The following PRTFDC1 variants were observed in gnomAD, a reference collection of about 807,000 sequenced individuals.
PRTFDC1 encodes phosphoribosyltransferase domain-containing protein 1.
Under a neutral mutation model 34.6 loss-of-function variants are expected in PRTFDC1, and 38 were observed. The observed-to-expected ratio is 1.10, with a 90% confidence interval of 0.85 to 1.44. The LOEUF is 1.44. Ranked by LOEUF, PRTFDC1 falls within the 40% of genes most tolerant of loss-of-function variation. The probability of loss-of-function intolerance (pLI) is 0.00; values close to 1 mark genes in which losing one functional copy is unlikely to be tolerated. For missense variants in PRTFDC1, 270 were observed against 283.0 expected, an observed-to-expected ratio of 0.95 and a Z score of 0.33; for synonymous variants, 93 against 98.1, an observed-to-expected ratio of 0.95 and a Z score of 0.31.
chr10:24,922,457 A>C (rs1167472269), intron 3 of PRTFDC1, among the ~76,000 whole-genome samples: 2 of 152,236 alleles, frequency 1.3e-5, no homozygotes, highest in East Asian at 3.9e-4. Context: ...GTGGGAAGTA[A>C]TTGAATCACA....
At chr10:24,873,699 A>T (rs1191328958) in intron 3 of PRTFDC1, among the ~76,000 whole-genome samples, 1 of 152,112 alleles carries the variant, frequency 6.6e-6, no homozygotes, top group Non-Finnish European at 1.5e-5. Context: ...CAATTCCCTT[A>T]GGAATTTTCT....
chr10:24,933,965 T>C (rs1199997484), intron 3 of PRTFDC1, among the ~76,000 whole-genome samples: 4 of 152,160 alleles, frequency 2.6e-5, no homozygotes, highest in African/African-American at 9.7e-5. Flanking sequence ...AGTGCTAGGA[T>C]GACAGGCATG....
At chr10:24,939,336 G>C (rs1849110552) in intron 2 of PRTFDC1, among the ~76,000 whole-genome samples, 1 of 148,822 alleles carries the variant, frequency 6.7e-6, no homozygotes, top group Non-Finnish European at 1.5e-5. Flanking sequence ...ATTTCACAGA[G>C]TGGAAGACAA....
intron 3 of PRTFDC1, among the ~76,000 whole-genome samples, chr10:24,916,625 C>G (rs1313214121): frequency 6.6e-6 from 1 of 152,184 alleles, no homozygotes; most frequent in Admixed American, 6.6e-5. Context: ...GCATGGGGAG[C>G]CTTTGTTTCT....
At chr10:24,932,290 G>A (rs1189458569) in intron 3 of PRTFDC1, among the ~76,000 whole-genome samples, 3 of 151,872 alleles carry the variant, frequency 2.0e-5, no homozygotes, top group African/African-American at 7.2e-5. Flanking sequence ...GAGTGTATAG[G>A]AGGTCCTAAC....
rs764052437 is a variant in PRTFDC1 at position 24,942,483 on chromosome 10, T to G, written c.49-47A>C. On this transcript the variant is annotated intron_variant, in intron 1 of 8. Transcript: ENST00000320152. ...TTATGGTATTTTTTCATCAGAAATT[T>G]GTTTAAAACATAACAAAAGAGTATC... 5.5e-6 allele frequency: 8 copies of G among 1,461,756 alleles called. 1 individual carries two copies. The highest frequency in any genetic ancestry group is 3.7e-4 in the Middle Eastern group (2 of 5,448). 90.5% of individuals were successfully genotyped at this position (1,461,756 alleles called of 1,614,324 possible). A position where few individuals can be genotyped will look rare whatever the true frequency, so the allele number is the denominator to read the frequency against.
intron 3 of PRTFDC1, among the ~76,000 whole-genome samples, chr10:24,929,096 C>A (rs1451649614): frequency 6.7e-6 from 1 of 149,488 alleles, no homozygotes; most frequent in Non-Finnish European, 1.5e-5. Context: ...CAATTCCAGG[C>A]ACCCTTGCTA....
At chr10:24,946,545 G>A (rs565256764) in intron 1 of PRTFDC1, among the ~76,000 whole-genome samples, 1 of 152,258 alleles carries the variant, frequency 6.6e-6, no homozygotes, top group South Asian at 2.1e-4. Flanking sequence ...GCATGGACAT[G>A]GAAATCTCAC....
intron 4 of PRTFDC1, among the ~76,000 whole-genome samples, chr10:24,859,727 C>T (rs951003111): frequency 1.3e-5 from 2 of 152,178 alleles, no homozygotes; most frequent in Non-Finnish European, 2.9e-5. Context: ...GATGATTGTA[C>T]TGCATTTTAA....
chr10:24,886,444 G>C (rs890605773), intron 3 of PRTFDC1, among the ~76,000 whole-genome samples: 2 of 152,118 alleles, frequency 1.3e-5, no homozygotes, highest in Non-Finnish European at 2.9e-5. Flanking sequence ...ACCCCATCTT[G>C]CTCCAAAGCC....
chr10:24,916,249 C>T (rs551533403), intron 3 of PRTFDC1, among the ~76,000 whole-genome samples: 1 of 152,188 alleles, frequency 6.6e-6, no homozygotes, highest in Non-Finnish European at 1.5e-5. Context: ...TTCCAGCTAT[C>T]GTTATCTCTC....
At chr10:24,892,486 C>T (rs2132540534) in intron 3 of PRTFDC1, among the ~76,000 whole-genome samples, 1 of 151,946 alleles carries the variant, frequency 6.6e-6, no homozygotes, top group Admixed American at 6.6e-5. Context: ...TTGCATTTCC[C>T]TGAAGATTGA....
chr10:24,909,130 A>G (rs916623102), intron 3 of PRTFDC1, among the ~76,000 whole-genome samples: 2 of 152,134 alleles, frequency 1.3e-5, no homozygotes, highest in Non-Finnish European at 2.9e-5. Context: ...AAAAGCCAAA[A>G]AACACCCAGG....
chr10:24,877,075 G>A (rs1444958707), intron 3 of PRTFDC1, among the ~76,000 whole-genome samples: 1 of 152,006 alleles, frequency 6.6e-6, no homozygotes, highest in Non-Finnish European at 1.5e-5. Context: ...AACCTTTCAG[G>A]AATTTGTGGC....
intron 3 of PRTFDC1, among the ~76,000 whole-genome samples, chr10:24,887,225 C>T (rs1469497397): frequency 6.6e-6 from 1 of 151,972 alleles, no homozygotes; most frequent in Non-Finnish European, 1.5e-5. Flanking sequence ...CCGCCTCGGC[C>T]TCCCAAAGTG....
intron 3 of PRTFDC1, among the ~76,000 whole-genome samples, chr10:24,891,881 C>T (rs1272794133): frequency 1.3e-5 from 2 of 152,184 alleles, no homozygotes; most frequent in Non-Finnish European, 2.9e-5. Flanking sequence ...CTACGATTGC[C>T]TCAGCTTACT....
chr10:24,913,967 C>T (rs112952897), intron 3 of PRTFDC1, among the ~76,000 whole-genome samples: 44 of 152,242 alleles, frequency 2.9e-4, no homozygotes, highest in African/African-American at 1.1e-3. Context: ...TGGGAAATAT[C>T]CACTTTGTCT....
rs78830317 is a variant in PRTFDC1, at chr10:24,854,350, A to G, written c.553+968T>C. Among the ~76,000 whole-genome samples the G allele has an allele frequency of 2.4e-3, 371 of 152,254 alleles. 8 individuals are homozygous for G. The East Asian group carries it at 0.064, about 26-fold the overall frequency. On this transcript the variant is annotated intron_variant, in intron 7 of 8. Transcript: ENST00000320152. Reference sequence around the variant, plus strand: ...ATGCGATTGGGTCTCTCTGCCCAGAACTGACATGGTCCAGAGTTAACACAT... The same window carrying G: ...ATGCGATTGGGTCTCTCTGCCCAGAGCTGACATGGTCCAGAGTTAACACAT...
chr10:24,937,400 A>T (rs1849070360), intron 2 of PRTFDC1, 33 bp from the exon 3 acceptor site: 1 of 1,563,332 alleles, frequency 6.4e-7, no homozygotes. Flanking sequence ...ATTAAGGCAC[A>T]ACTACTTCTG....
Sources: allele counts gnomAD v4.1 joint callset (sites outside exome capture counted in the v4.1 genomes callset), GRCh38; gene constraint gnomAD v4.1.1; transcripts MANE v1.5; gene names NCBI Gene and HGNC (gene_info 2026-07-23, HGNC 2026-07-21).